Variants in COL28A1 observed in about 807,000 individuals in gnomAD.
COL28A1 encodes the protein collagen alpha-1(XXVIII) chain.
Under a neutral mutation model 150.2 loss-of-function variants are expected in COL28A1, and 161 were observed. The ratio of observed to expected loss-of-function variants is 1.07; its 90% CI spans 0.94 to 1.22. The LOEUF is 1.22. COL28A1 is among the 50% of genes most tolerant of loss of function. The probability of loss-of-function intolerance (pLI) is 0.00; values close to 1 mark genes in which losing one functional copy is unlikely to be tolerated. For missense variants in COL28A1, 1,617 were observed against 1,388.3 expected (o/e 1.16, Z -2.62); for synonymous variants, 552 against 469.7 (o/e 1.18, Z -2.26).
chr7:7,346,799 C>A, the COL28A1 span, among the ~76,000 whole-genome samples: 1 of 151,960 alleles, frequency 6.6e-6, no homozygotes, highest in Non-Finnish European at 1.5e-5. Context: ...GAAAGATATT[C>A]ATTAATTTGA....
chr7:7,520,961 A>G (rs1360016185), intron 5 of COL28A1, among the ~76,000 whole-genome samples: 3 of 152,160 alleles, frequency 2.0e-5, no homozygotes, highest in Non-Finnish European at 4.4e-5. Flanking sequence ...GGGGAGAAAA[A>G]CATCCCTTGA....
Position 7,477,172 on chromosome 7 carries a change from AC to A in COL28A1, c.1172del (p.Arg391LeufsTer47). 8.0e-7 allele frequency: 1 copy of A among 1,250,010 alleles called. No homozygotes were observed. The highest frequency in any genetic ancestry group is 1.2e-6 in the Non-Finnish European group (1 of 846,988). The allele number at this position is 1,250,010 out of a possible 1,614,324, so 77.4% of individuals were successfully genotyped here. On this transcript the variant is annotated frameshift_variant, in exon 14 of 35. Transcript: ENST00000399429. LOFTEE classifies it high-confidence loss of function. ...TCTCTCCTGGTACTCCCTCAGGACC[AC>A]GGGGACCCTGGTTAGGATAGGAGAA... ...GVGEPGQPGP[R>X]GPEGVPGERG...
intron 11 of COL28A1, among the ~76,000 whole-genome samples, chr7:7,501,038 C>T (rs1222108558): frequency 6.6e-6 from 1 of 152,158 alleles, no homozygotes; most frequent in Non-Finnish European, 1.5e-5. Flanking sequence ...TGACCATATC[C>T]ATTTATTAAA....
At chr7:7,431,819 G>T (rs1784996915) in intron 25 of COL28A1, among the ~76,000 whole-genome samples, 1 of 152,184 alleles carries the variant, frequency 6.6e-6, no homozygotes, top group Admixed American at 6.5e-5. Flanking sequence ...TGTCTGCCTG[G>T]CAGAAGCAGA....
chr7:7,462,658 C>T lies in COL28A1; in HGVS notation c.1303-6546G>A, dbSNP rs568663043. Among the ~76,000 whole-genome samples, 144 of 152,110 alleles carry T rather than the reference C, an allele frequency of 9.5e-4. 1 individual carries two copies. Among genetic ancestry groups the T allele is most frequent in the African/African-American group, 3.2e-3 (133 of 41,522 alleles). ...TGGACTACCTGAGGTCAGGAGTTCA[C>T]GACCAGCCTGACCAACATAGAGAAA... On this transcript the variant is annotated intron_variant, in intron 15 of 34. Transcript: ENST00000399429.
chr7:7,359,912 A>G (rs1780554716), intron 34 of COL28A1, among the ~76,000 whole-genome samples: 1 of 152,218 alleles, frequency 6.6e-6, no homozygotes, highest in South Asian at 2.1e-4. Context: ...CATGTTCTGC[A>G]GAAAATATGT....
At chr7:7,533,799 C>T (rs1782497656) in intron 1 of COL28A1, among the ~76,000 whole-genome samples, 1 of 152,132 alleles carries the variant, frequency 6.6e-6, no homozygotes, top group Admixed American at 6.5e-5. Context: ...GAGGAGAAGA[C>T]TCATGTGTTG....
chr7:7,383,250 T>TTG (rs368714766), intron 27 of COL28A1, among the ~76,000 whole-genome samples: 1,562 of 107,194 alleles, frequency 0.015, 16 homozygotes, highest in Non-Finnish European at 0.018. Flanking sequence ...CTTTTTTTTG[T>TTG]TGTGTGTGTG....
intron 27 of COL28A1, among the ~76,000 whole-genome samples, chr7:7,413,478 T>A (rs1028443287): frequency 6.6e-6 from 1 of 152,212 alleles, no homozygotes; most frequent in East Asian, 1.9e-4. Flanking sequence ...CAAGCCACTT[T>A]GCAATTAAGT....
chr7:7,342,517 C>A, the COL28A1 span, among the ~76,000 whole-genome samples: 4,714 of 150,168 alleles, frequency 0.031, 251 homozygotes, highest in African/African-American at 0.11. Flanking sequence ...GTTTTGCTTA[C>A]TTTCTTTTTT....
chr7:7,389,996 CTGAT>C (rs1417319932), intron 27 of COL28A1, among the ~76,000 whole-genome samples: 1 of 152,148 alleles, frequency 6.6e-6, no homozygotes, highest in African/African-American at 2.4e-5. Context: ...TTTCTCTTGA[CTGAT>C]TGCCTTGGCC....
At chr7:7,363,056 C>A (rs1780751252) in intron 33 of COL28A1, among the ~76,000 whole-genome samples, 1 of 151,856 alleles carries the variant, frequency 6.6e-6, no homozygotes, top group African/African-American at 2.4e-5. Context: ...GACAAACCTT[C>A]AGGAAAAAAA....
Position 7,370,813 on chromosome 7 carries a change from C to A in COL28A1, c.2978G>T (p.Gly993Val), listed in dbSNP as rs557886815. ...AAATCCAGGTTGAGGTGACGATGAA[C>A]CAAAAATTTGAACGAGATAGGAATC... ...DFDSYLVQIF[G>V]SSSPQPGFGM... is the part of the protein sequence containing the mutation. Residue 993 changes from glycine to valine, a missense_variant, in exon 33 of 35, where the codon GGT (glycine) becomes GTT (valine). Coordinates refer to ENST00000399429, the MANE Select transcript of COL28A1 (RefSeq NM_001037763.3). The A allele has an allele frequency of 1.2e-6, 2 of 1,613,374 alleles. No individual in the cohort carries two copies. The highest frequency in any genetic ancestry group is 1.3e-5 in the African/African-American group (1 of 74,884).
chr7:7,406,596 G>T (rs1783504604), intron 27 of COL28A1, among the ~76,000 whole-genome samples: 1 of 152,122 alleles, frequency 6.6e-6, no homozygotes, highest in Non-Finnish European at 1.5e-5. Context: ...AATGGGGTAG[G>T]GGCAGGATAG....
At chr7:7,415,680 C>A (rs778843203) in intron 27 of COL28A1, among the ~76,000 whole-genome samples, 6 of 151,308 alleles carry the variant, frequency 4.0e-5, no homozygotes, top group Admixed American at 3.3e-4. Flanking sequence ...ATTACAGGTA[C>A]GCACCACCAT....
At chr7:7,490,245 T>C (rs1779845019) in intron 12 of COL28A1, among the ~76,000 whole-genome samples, 1 of 152,234 alleles carries the variant, frequency 6.6e-6, no homozygotes, top group South Asian at 2.1e-4. Context: ...TGATTGTTGA[T>C]GTGTTAAGTT....
Position 7,393,572 on chromosome 7 carries a change from G to T in COL28A1, c.2137-11960C>A, listed in dbSNP as rs138246058. On this transcript the variant is annotated intron_variant, in intron 27 of 34. Coordinates refer to ENST00000399429, the MANE Select transcript of COL28A1 (RefSeq NM_001037763.3). ...CACCCACAGTCTCCCCTTCCCCCAGGTGCTCTGTCCGAGGGAGACGGGGGT... is the reference window on the plus strand; with the variant it reads ...CACCCACAGTCTCCCCTTCCCCCAGTTGCTCTGTCCGAGGGAGACGGGGGT... Among the ~76,000 whole-genome samples the T allele has an allele frequency of 4.0e-3, 606 of 152,008 alleles. 3 individuals are homozygous for T. The highest frequency in any genetic ancestry group is 0.014 in the African/African-American group (586 of 41,444).
chr7:7,495,291 G>A (rs1192364422), intron 11 of COL28A1, among the ~76,000 whole-genome samples: 1 of 151,812 alleles, frequency 6.6e-6, no homozygotes, highest in Non-Finnish European at 1.5e-5. Context: ...TCTCAATTTG[G>A]ACCAGCCACA....
At chr7:7,467,562 A>C (rs1411517342) in intron 15 of COL28A1, among the ~76,000 whole-genome samples, 2 of 11,260 alleles carry the variant, frequency 1.8e-4, no homozygotes, top group Non-Finnish European at 1.6e-4. Flanking sequence ...ACAGAAAGTC[A>C]ACAAGGATAC....
Sources: allele counts gnomAD v4.1 joint callset (sites outside exome capture counted in the v4.1 genomes callset), GRCh38; gene constraint gnomAD v4.1.1; transcripts MANE v1.5; gene names NCBI Gene and HGNC (gene_info 2026-07-23, HGNC 2026-07-21).